Variants in MACROD2 observed in about 807,000 individuals in gnomAD.
MACROD2 encodes the protein mono-ADP ribosylhydrolase 2, also known as ADP-ribose glycohydrolase MACROD2.
MACROD2 carries 36 observed loss-of-function variants against 70.4 expected under a neutral mutation model. The observed-to-expected ratio is 0.51, with a 90% confidence interval of 0.39 to 0.68. The LOEUF is 0.68. Ranked by LOEUF, MACROD2 falls within the 30% of genes least tolerant of loss-of-function variation. The probability of loss-of-function intolerance (pLI) is 0.00; values close to 1 mark genes in which losing one functional copy is unlikely to be tolerated. For missense variants in MACROD2, 496 were observed against 538.4 expected (o/e 0.92, Z 0.78); for synonymous variants, 172 against 178.8 (o/e 0.96, Z 0.30).
At chr20:15,169,992 T>A (rs1013497072) in intron 5 of MACROD2, among the ~76,000 whole-genome samples, 10 of 152,208 alleles carry the variant, frequency 6.6e-5, no homozygotes, top group African/African-American at 1.9e-4. Context: ...TCTCTGTTAG[T>A]TTTATGCTTT....
intron 3 of MACROD2, chr20:14,127,502 C>A: frequency 2.0e-6 from 1 of 497,076 alleles, no homozygotes; most frequent in Non-Finnish European, 3.7e-6. Context: ...CATTGAATAT[C>A]TTAAGCAGCA....
In MACROD2 at chr20:15,680,975, C is replaced by CA. The variant is rs561955586; in HGVS notation, c.645+181129dup. Among the ~76,000 whole-genome samples the CA allele has an allele frequency of 1.2e-4, 19 of 152,288 alleles. No individual in the cohort carries two copies. The South Asian group carries it at 3.9e-3, about 32-fold the overall frequency. On this transcript the variant is annotated intron_variant, in intron 8 of 17. Transcript: ENST00000684519. ...CCAGTGTACCACAAAGGAGCATGTA[C>CA]ATTCTGCTGTCCATTTTTAGGAGAA...
rs57817982 is a variant in MACROD2 at position 15,876,109 on chromosome 20, A to ATATATATATATATATATGTATG, written c.728-9652_728-9651insATATATATATATATGTATGTAT. On this transcript the variant is annotated intron_variant, in intron 9 of 17. Coordinates refer to ENST00000684519, the MANE Select transcript of MACROD2 (RefSeq NM_001351661.2). ...ATGTCTTTTATATATATATATATAT[A>ATATATATATATATATATGTATG]TATGTGTGTATTTTTTTTATTACAC... 7.4e-3 allele frequency among the ~76,000 whole-genome samples: 916 copies of ATATATATATATATATATGTATG among 124,356 alleles called. 33 individuals are homozygous for ATATATATATATATATATGTATG. Among genetic ancestry groups the ATATATATATATATATATGTATG allele is most frequent in the East Asian group, 0.072 (251 of 3,476 alleles). 81.6% of individuals were successfully genotyped at this position (124,356 alleles called of 152,430 possible). A position where few individuals can be genotyped will look rare whatever the true frequency, so the allele number is the denominator to read the frequency against.
chr20:14,185,840 G>C (rs1026876666), intron 3 of MACROD2, among the ~76,000 whole-genome samples: 1 of 152,220 alleles, frequency 6.6e-6, no homozygotes, highest in East Asian at 1.9e-4. Flanking sequence ...ATGAGAAAAT[G>C]TATAAAAACC....
At chr20:14,479,903 G>T (rs1022736247) in intron 3 of MACROD2, among the ~76,000 whole-genome samples, 1 of 151,870 alleles carries the variant, frequency 6.6e-6, no homozygotes, top group African/African-American at 2.4e-5. Context: ...AAGATACAAG[G>T]TCTTGCTTTA....
intron 6 of MACROD2, among the ~76,000 whole-genome samples, chr20:15,295,257 C>G (rs937080975): frequency 6.6e-6 from 1 of 152,170 alleles, no homozygotes; most frequent in African/African-American, 2.4e-5. Flanking sequence ...GACCATTAAA[C>G]CTCTTTTTCT....
intron 5 of MACROD2, among the ~76,000 whole-genome samples, chr20:15,181,546 G>C (rs1266020204): frequency 6.6e-6 from 1 of 152,222 alleles, no homozygotes; most frequent in East Asian, 1.9e-4. Context: ...ATTTTAGAAA[G>C]TGTGTGTGTG....
At chr20:14,238,804 G>A (rs969504820) in intron 3 of MACROD2, among the ~76,000 whole-genome samples, 7 of 151,862 alleles carry the variant, frequency 4.6e-5, no homozygotes, top group Admixed American at 2.6e-4. Flanking sequence ...CGAGGCGGGC[G>A]GATCATTAGG....
chr20:14,400,885 A>G (rs2083630485), intron 3 of MACROD2, among the ~76,000 whole-genome samples: 1 of 152,168 alleles, frequency 6.6e-6, no homozygotes, highest in Non-Finnish European at 1.5e-5. Flanking sequence ...ATAATGATCT[A>G]TATTAATAAT....
chr20:15,362,964 CAGGAAAGGAAGGA>C (rs889867574), intron 6 of MACROD2, among the ~76,000 whole-genome samples: 1 of 145,372 alleles, frequency 6.9e-6, no homozygotes, highest in Non-Finnish European at 1.5e-5. Flanking sequence ...AGGGGAGGAG[CAGGAAAGGAAGGA>C]AGGAAAGAAA....
intron 3 of MACROD2, among the ~76,000 whole-genome samples, chr20:14,463,317 C>T (rs1380717508): frequency 4.6e-5 from 7 of 151,948 alleles, no homozygotes; most frequent in Non-Finnish European, 1.0e-4. Context: ...GGAGTTCACT[C>T]ATGATTTGGC....
At chr20:14,575,017 C>CAAAAAAAAAAAAAAAAAAAAAAAAAAA (rs1195216470) in intron 4 of MACROD2, among the ~76,000 whole-genome samples, 2 of 49,938 alleles carry the variant, frequency 4.0e-5, no homozygotes, top group African/African-American at 1.5e-4. Context: ...GACTCTGTCT[C>CAAAAAAAAAAAAAAAAAAAAAAAAAAA]AAAAAAAAAA....
intron 5 of MACROD2, among the ~76,000 whole-genome samples, chr20:15,126,368 T>G (rs1028577458): frequency 6.6e-6 from 1 of 151,992 alleles, no homozygotes; most frequent in African/African-American, 2.4e-5. Flanking sequence ...TTTTGCTTGT[T>G]TGATTATAGC....
chr20:15,508,360 C>G (rs2047455035), intron 8 of MACROD2, among the ~76,000 whole-genome samples: 1 of 151,910 alleles, frequency 6.6e-6, no homozygotes, highest in South Asian at 2.1e-4. Flanking sequence ...TTCATATATA[C>G]TGCTAATAGG....
chr20:15,216,966 C>G (rs909430452), intron 5 of MACROD2, among the ~76,000 whole-genome samples: 7 of 152,060 alleles, frequency 4.6e-5, no homozygotes, highest in African/African-American at 1.7e-4. Flanking sequence ...AGACAGCATT[C>G]AGAATTGAGA....
rs534643600 is a variant in MACROD2 at position 15,912,867 on chromosome 20, G to A, written c.776-20409G>A. ...GCATAAAATTTAATTATATGACAAT[G>A]AGTATTCTCATAGAGTAAGTTAGGA... On this transcript the variant is annotated intron_variant, in intron 10 of 17. Transcript: ENST00000684519. Among the ~76,000 whole-genome samples the A allele has an allele frequency of 5.6e-4, 86 of 152,276 alleles. 1 individual carries two copies. The highest frequency in any genetic ancestry group is 1.9e-3 in the African/African-American group (80 of 41,566).
rs1381574180 is a variant in MACROD2 at position 15,080,158 on chromosome 20, A to ATAAC, written c.419-149781_419-149778dup. 8.3e-5 allele frequency among the ~76,000 whole-genome samples: 12 copies of ATAAC among 145,074 alleles called. No individual in the cohort carries two copies. In the South Asian group the frequency reaches 8.7e-4, roughly 11 times the overall value. ...AATAAATAAATAAATAAATAAATAAATAACATCCTCTCTCCTGTGTCCCCT... is the reference window on the plus strand; with the variant it reads ...AATAAATAAATAAATAAATAAATAAATAACTAACATCCTCTCTCCTGTGTCCCCT... On this transcript the variant is annotated intron_variant, in intron 5 of 17. Coordinates refer to ENST00000684519, the MANE Select transcript of MACROD2 (RefSeq NM_001351661.2).
intron 8 of MACROD2, among the ~76,000 whole-genome samples, chr20:15,792,705 C>T (rs187215969): frequency 1.2e-4 from 18 of 152,216 alleles, no homozygotes; most frequent in African/African-American, 3.9e-4. Context: ...ACTGTTAATA[C>T]ATTGTTGCTT....
intron 15 of MACROD2, among the ~76,000 whole-genome samples, chr20:16,004,544 G>T (rs1475676285): frequency 2.0e-5 from 3 of 152,214 alleles, no homozygotes; most frequent in African/African-American, 7.2e-5. Context: ...GGGTGGATGG[G>T]CAGATGGCAG....
Sources: allele counts gnomAD v4.1 joint callset (sites outside exome capture counted in the v4.1 genomes callset), GRCh38; gene constraint gnomAD v4.1.1; transcripts MANE v1.5; gene names NCBI Gene and HGNC (gene_info 2026-07-23, HGNC 2026-07-21).